EEF1G: variants seen among roughly 807,000 people sequenced by gnomAD.
EEF1G encodes eukaryotic translation elongation factor 1 gamma, also known as elongation factor 1-gamma.
Under a neutral mutation model 58.3 loss-of-function variants are expected in EEF1G, and 14 were observed. The ratio of observed to expected loss-of-function variants is 0.24; its 90% CI spans 0.16 to 0.38. EEF1G has a LOEUF of 0.38. EEF1G is among the 10% of genes least tolerant of loss of function. The probability of loss-of-function intolerance (pLI) is 1.00; values close to 1 mark genes in which losing one functional copy is unlikely to be tolerated. For synonymous variants in EEF1G, 180 were observed against 206.8 expected (o/e 0.87, Z 1.11); for missense variants, 322 against 550.1 (o/e 0.59, Z 4.15).
At position 62,560,451 on chromosome 11, in the gene EEF1G, G is replaced by T. The variant is rs1454732237; in HGVS notation, c.861C>A (p.Thr287=). 1 of 1,609,576 alleles carries T rather than the reference G, an allele frequency of 6.2e-7. No individual in the cohort carries two copies. Among genetic ancestry groups the T allele is most frequent in the Non-Finnish European group, 8.5e-7 (1 of 1,177,794 alleles). Residue 287 remains threonine (T), a synonymous_variant, in exon 8 of 10, where the codon ACC becomes ACA. Transcript: ENST00000329251. ...KDPFAHLPKS[T]FVLDEFKRKY... is the part of the protein sequence containing the mutation. ...TGCGCTTAAATTCATCCAACACAAA[G>T]GTACTAAGAGGAAGAAAGCACAGGG...
intron 1 of EEF1G, 38 bp downstream of exon 1, chr11:62,573,793 G>A (rs991933416): frequency 3.1e-6 from 5 of 1,613,374 alleles, no homozygotes; most frequent in Non-Finnish European, 4.2e-6. Flanking sequence ...GATGGCGGTG[G>A]ATAGGATGAC....
At chr11:62,567,708 A>ATT (rs71458421) in intron 5 of EEF1G, among the ~76,000 whole-genome samples, 180 bp from the exon 6 acceptor site, 36,710 of 143,344 alleles carry the variant, frequency 0.26, 5,515 homozygotes, top group Non-Finnish European at 0.36. Flanking sequence ...ATTTTTTTCA[A>ATT]TTTTTTTTTT....
chr11:62,564,918 T>G (rs72502209), intron 7 of EEF1G, among the ~76,000 whole-genome samples: 5 of 151,272 alleles, frequency 3.3e-5, no homozygotes, highest in African/African-American at 1.2e-4. Flanking sequence ...ATACAAAAAA[T>G]TTGCCAGCCG....
At chr11:62,570,934 C>A (rs756807670) in intron 5 of EEF1G, 31 bp downstream of exon 5, 1 of 1,613,298 alleles carries the variant, frequency 6.2e-7, no homozygotes, top group Non-Finnish European at 8.5e-7. Flanking sequence ...CCCATCTACC[C>A]ACTGCCAAAT....
rs1474765701 is a variant in EEF1G, at chr11:62,566,864, C to G, written c.799G>C (p.Glu267Gln). The G allele has an allele frequency of 1.9e-6, 3 of 1,613,466 alleles. No homozygotes were observed. Among genetic ancestry groups the G allele is most frequent in the Non-Finnish European group, 2.5e-6 (3 of 1,179,778 alleles). ...TTGGGCTCAGCAGCCAGCGCCTGCT[C>G]ACATTCATCCATCTCCTCCTCAGGA... is the stretch of plus-strand genomic sequence containing the variant. Reference protein sequence around the residue: ...PAPEEEMDECEQALAAEPKAK... With the variant: ...PAPEEEMDECQQALAAEPKAK... The change falls in exon 7 of 10, where the codon GAG (glutamate) becomes CAG (glutamine). Residue 267 changes from glutamate (E) to glutamine (Q), a missense_variant. Physicochemically the swap from Glu to Gln is conservative, Grantham distance 29 (BLOSUM62 2). Transcript: ENST00000329251.
chr11:62,566,743 G>A, intron 7 of EEF1G, 63 bp downstream of exon 7: 2 of 1,457,456 alleles, frequency 1.4e-6, no homozygotes, highest in Non-Finnish European at 1.9e-6. Flanking sequence ...TGTGAGGGGG[G>A]ACATACAGAG....
intron 5 of EEF1G, among the ~76,000 whole-genome samples, chr11:62,568,973 CAA>C (rs71458422): frequency 1.5e-5 from 2 of 132,662 alleles, no homozygotes. Flanking sequence ...GACTTCGTCT[CAA>C]AAAAAAAAAA....
In EEF1G at chr11:62,562,380, CAT is replaced by C. The variant is rs1397401063; in HGVS notation, c.858-1928_858-1927del. Among the ~76,000 whole-genome samples the C allele has an allele frequency of 6.6e-5, 10 of 152,186 alleles. No homozygotes were observed. The South Asian group carries it at 8.3e-4, about 13-fold the overall frequency. On this transcript the variant is annotated intron_variant, in intron 7 of 9. Transcript: ENST00000329251. ...TTTTCTCTAACTCGCTCAGGTACAA[CAT>C]GTGTGTGTATATATGTGTGTGTGTG...
At chr11:62,564,556 T>G (rs1211439775) in intron 7 of EEF1G, among the ~76,000 whole-genome samples, 2 of 133,536 alleles carry the variant, frequency 1.5e-5, no homozygotes, top group African/African-American at 5.8e-5. Context: ...AGGTCAGGAG[T>G]TCGAGACCAG....
intron 2 of EEF1G, 43 bp from the exon 3 acceptor site, chr11:62,571,944 T>C (rs1384846941): frequency 3.2e-6 from 5 of 1,541,732 alleles, no homozygotes; most frequent in South Asian, 2.4e-5. Flanking sequence ...ACACACAAAA[T>C]TTCTTCCTAA....
intron 7 of EEF1G, among the ~76,000 whole-genome samples, chr11:62,565,493 T>G (rs778743684): frequency 3.9e-5 from 6 of 152,160 alleles, no homozygotes; most frequent in African/African-American, 7.2e-5. Flanking sequence ...TAAGAAAATG[T>G]AAAGTTTATT....
chr11:62,569,215 G>A (rs1243985545), intron 5 of EEF1G, among the ~76,000 whole-genome samples: 1 of 151,424 alleles, frequency 6.6e-6, no homozygotes, highest in African/African-American at 2.4e-5. Context: ...GCTCACCCCC[G>A]CAATCCCAGC....
intron 7 of EEF1G, among the ~76,000 whole-genome samples, chr11:62,562,540 G>C (rs1051106243): frequency 1.3e-5 from 2 of 152,040 alleles, no homozygotes; most frequent in African/African-American, 2.4e-5. Context: ...GGAATGCAGT[G>C]GTGCGATCTC....
Position 62,567,402 on chromosome 11 carries a change from C to G in EEF1G, c.649G>C (p.Asp217His). The G allele has an allele frequency of 6.2e-7, 1 of 1,611,050 alleles. No homozygotes were observed. Among genetic ancestry groups the G allele is most frequent in the South Asian group, 1.1e-5 (1 of 90,484 alleles). Residue 217 changes from aspartate (D) to histidine (H), a missense_variant, in exon 6 of 10, where the codon GAT becomes CAT. Asp to His is a moderately conservative substitution (Grantham distance 81). This residue lies in a region of EEF1G where 208 missense variants were observed against 323.7 expected (regional missense o/e 0.64). Transcript: ENST00000329251. The stretch of plus-strand genomic sequence containing the variant: ...CTCCCAGTCTCCTCAGACTCACCAT[C>G]AAACTGGGCCATCTTCTCACACAGT... ...VKLCEKMAQF[D>H]AKKFAETQPK...
At chr11:62,573,322 C>G (rs1941660273) in intron 1 of EEF1G, 1 of 166,026 alleles carries the variant, frequency 6.0e-6, no homozygotes, top group South Asian at 1.5e-4. Context: ...GGTCCTGTCC[C>G]GCAGCGAGTT....
rs769219596 is a variant in EEF1G, at chr11:62,572,753, A to G, written c.13-11T>C. 1 of 1,601,862 alleles carries G rather than the reference A, an allele frequency of 6.2e-7. No homozygotes were observed. The highest frequency in any genetic ancestry group is 8.5e-7 in the Non-Finnish European group (1 of 1,170,796). Reference sequence around the variant, plus strand: ...ATACGTGTACAGGGTCTATGGGAGAAAGAGAGGGACAAAATTAATGAGTAG... The same window carrying G: ...ATACGTGTACAGGGTCTATGGGAGAGAGAGAGGGACAAAATTAATGAGTAG... On this transcript the variant is annotated splice_polypyrimidine_tract_variant and intron_variant, in intron 1 of 9. Coordinates refer to ENST00000329251, the MANE Select transcript of EEF1G (RefSeq NM_001404.5).
intron 6 of EEF1G, 38 bp downstream of exon 6, chr11:62,567,361 G>C: frequency 6.3e-7 from 1 of 1,582,538 alleles, no homozygotes; most frequent in Non-Finnish European, 8.6e-7. Context: ...ACCAGACCCT[G>C]ATCCTGGCCA....
intron 7 of EEF1G, among the ~76,000 whole-genome samples, chr11:62,564,577 A>G (rs1941533693): frequency 6.6e-6 from 1 of 151,718 alleles, no homozygotes; most frequent in Admixed American, 6.6e-5. Context: ...CCTGCCCAGC[A>G]TGGTGAAACC....
chr11:62,567,573 G>A (rs1189150283), intron 5 of EEF1G, 45 bp from the exon 6 acceptor site: 7 of 1,525,208 alleles, frequency 4.6e-6, no homozygotes, highest in Non-Finnish European at 6.2e-6. Context: ...GAAAGGCCCT[G>A]AAGAGTTCTG....
Sources: allele counts gnomAD v4.1 joint callset (sites outside exome capture counted in the v4.1 genomes callset), GRCh38; gene constraint gnomAD v4.1.1; regional missense constraint gnomAD v4.1.1; transcripts MANE v1.5; gene names NCBI Gene and HGNC (gene_info 2026-07-23, HGNC 2026-07-21).